MCF2L: variants seen among roughly 807,000 people sequenced by gnomAD.
The protein encoded by MCF2L is guanine nucleotide exchange factor DBS.
In MCF2L, 97 loss-of-function variants were observed where a neutral mutation model predicts 153.4. The ratio of observed to expected loss-of-function variants is 0.63; its 90% CI spans 0.54 to 0.75. MCF2L has a LOEUF of 0.75. Among genes scored for constraint, MCF2L ranks in the 30% least tolerant of loss-of-function variants. The probability of loss-of-function intolerance (pLI) is 0.00; values close to 1 mark genes in which losing one functional copy is unlikely to be tolerated. For missense variants in MCF2L, 1,347 were observed against 1,495.2 expected (o/e 0.90, Z 1.64); for synonymous variants, 659 against 632.2 (o/e 1.04, Z -0.64).
chr13:112,918,215 A>G (rs1024262448), intron 2 of MCF2L, among the ~76,000 whole-genome samples: 1 of 152,232 alleles, frequency 6.6e-6, no homozygotes, highest in Non-Finnish European at 1.5e-5. Context: ...TCCTGAGCGC[A>G]TGTTAGGGAT....
At chr13:113,034,394 C>T (rs1455492372) in intron 3 of MCF2L, among the ~76,000 whole-genome samples, 1 of 152,324 alleles carries the variant, frequency 6.6e-6, no homozygotes, top group East Asian at 1.9e-4. Context: ...GCCTCAGCTT[C>T]CCAAAGTGCT....
rs879300464 is a variant in MCF2L at position 113,060,457 on chromosome 13, G to A, written c.370-136G>A. The stretch of plus-strand genomic sequence containing the variant: ...CAGCATCTCTACCATGTTTATCTCA[G>A]CATAAACCTGCTGCGTTGAGGATGC... On this transcript the variant is annotated intron_variant, in intron 4 of 29. Transcript: ENST00000535094. The A allele has an allele frequency of 2.0e-4, 189 of 960,744 alleles. No homozygotes were observed. The Admixed American group carries it at 4.2e-3, about 21-fold the overall frequency. 59.5% of individuals were successfully genotyped at this position (960,744 alleles called of 1,614,324 possible). A position where few individuals can be genotyped will look rare whatever the true frequency, so the allele number is the denominator to read the frequency against.
intron 2 of MCF2L, among the ~76,000 whole-genome samples, chr13:113,018,469 G>A (rs185342972): frequency 1.4e-3 from 216 of 152,210 alleles, no homozygotes; most frequent in African/African-American, 4.7e-3. Context: ...TTGTCCTTCC[G>A]GGCAGAGCTG....
chr13:113,081,845 A>C (rs1406040402), intron 16 of MCF2L, among the ~76,000 whole-genome samples: 1 of 150,406 alleles, frequency 6.6e-6, no homozygotes, highest in Middle Eastern at 3.5e-3. Context: ...GTGGTCACCC[A>C]AGTGTAGACG....
intron 16 of MCF2L, 134 bp from the exon 17 acceptor site, chr13:113,082,293 G>A (rs556219213): frequency 8.4e-5 from 53 of 630,762 alleles, no homozygotes; most frequent in African/African-American, 6.9e-4. Flanking sequence ...TGCCTGTCCC[G>A]GTAACTTAGA....
At chr13:112,920,658 T>C (rs1215447992) in intron 2 of MCF2L, among the ~76,000 whole-genome samples, 1 of 58,144 alleles carries the variant, frequency 1.7e-5, no homozygotes, top group African/African-American at 6.8e-5. Context: ...AGGTTGTGGG[T>C]GGGTGCCAGG....
At chr13:112,985,492 G>A (rs779254344) in intron 1 of MCF2L, 11 of 470,546 alleles carry the variant, frequency 2.3e-5, no homozygotes, top group Admixed American at 1.2e-4. Context: ...GAGTCTCCTC[G>A]TCCCCTGTGA....
rs1426939083 is a variant in MCF2L at position 113,028,942 on chromosome 13, T to C, written c.278+4184T>C. On this transcript the variant is annotated intron_variant, in intron 3 of 29. Coordinates refer to ENST00000535094, the MANE Select transcript of MCF2L (RefSeq NM_001112732.3). The surrounding 1 kb of genome is among the most constrained non-coding windows in gnomAD (Gnocchi z 5.4). ...TGTGGGGTAAGTGGTGTGTGTGGTA[T>C]GTGTGGACTATGTGAGGCATGTGTG... 6.6e-6 allele frequency among the ~76,000 whole-genome samples: 1 copy of C among 150,852 alleles called. No homozygotes were observed. Among genetic ancestry groups the C allele is most frequent in the Non-Finnish European group, 1.5e-5 (1 of 67,726 alleles).
At chr13:113,023,514 G>A (rs114373251) in intron 2 of MCF2L, among the ~76,000 whole-genome samples, 3,200 of 152,238 alleles carry the variant, frequency 0.021, 122 homozygotes, top group African/African-American at 0.073. Context: ...GGGGACTGTC[G>A]CTGTTACGAG....
At chr13:112,947,419 T>C (rs2081648944) in intron 2 of MCF2L, among the ~76,000 whole-genome samples, 1 of 152,166 alleles carries the variant, frequency 6.6e-6, no homozygotes, top group Non-Finnish European at 1.5e-5. Context: ...TGACTGAGAC[T>C]CAAGGAACGA....
chr13:112,958,550 C>T (rs1178734033), intron 2 of MCF2L, among the ~76,000 whole-genome samples: 1 of 152,202 alleles, frequency 6.6e-6, no homozygotes, highest in Non-Finnish European at 1.5e-5. Context: ...GCAGGCTGAC[C>T]CCTGACCCAC....
intron 7 of MCF2L, chr13:113,065,339 G>T: frequency 1.9e-6 from 1 of 516,608 alleles, no homozygotes; most frequent in Non-Finnish European, 3.5e-6. Flanking sequence ...CCATTCTGGC[G>T]TTGGGTCAAC....
chr13:113,094,379 GA>G, intron 26 of MCF2L, 134 bp from the exon 27 acceptor site: 1 of 868,294 alleles, frequency 1.2e-6, no homozygotes, highest in Non-Finnish European at 1.7e-6. Context: ...ATGAACCCGG[GA>G]AGATGACAGG....
At position 113,074,733 on chromosome 13, in the gene MCF2L, C is replaced by T. The variant is rs2141917066; in HGVS notation, c.1116+170C>T. ...CTGCCTGTACCCCTCCCCTCCCACA[C>T]CCCACCCACAGCACATGGCCCTGCC... On this transcript the variant is annotated intron_variant, in intron 10 of 29. Coordinates refer to ENST00000535094, the MANE Select transcript of MCF2L (RefSeq NM_001112732.3). The surrounding 1 kb of genome is among the most constrained non-coding windows in gnomAD (Gnocchi z 4.2). Among the ~76,000 whole-genome samples, 1 of 152,062 alleles carries T rather than the reference C, an allele frequency of 6.6e-6. No homozygotes were observed. Among genetic ancestry groups the T allele is most frequent in the East Asian group, 2.0e-4 (1 of 5,100 alleles).
At chr13:113,014,876 G>A (rs201603405) in intron 2 of MCF2L, 30 bp downstream of exon 2, 3 of 1,606,012 alleles carry the variant, frequency 1.9e-6, no homozygotes, top group Non-Finnish European at 2.6e-6. Flanking sequence ...ATGGGGTGGA[G>A]AGGGAGGGGT....
intron 1 of MCF2L, among the ~76,000 whole-genome samples, chr13:112,982,467 C>T (rs941693199): frequency 2.0e-5 from 3 of 152,128 alleles, no homozygotes; most frequent in African/African-American, 4.8e-5. Flanking sequence ...GGCAGGTGGC[C>T]GGGGGCATCT....
At chr13:113,022,077 G>A (rs1170197108) in intron 2 of MCF2L, among the ~76,000 whole-genome samples, 3 of 152,086 alleles carry the variant, frequency 2.0e-5, no homozygotes, top group Non-Finnish European at 2.9e-5. Context: ...CTGCACCCTC[G>A]ACCCTGTGGC....
rs1488179371 is a variant in MCF2L at position 113,074,775 on chromosome 13, A to C, written c.1116+212A>C. ...GGCCCTGCCCGGCCTCCTCTGGGTCAGGTCCCTGCAGACGGTCAATGCCTT... is the reference window on the plus strand; with the variant it reads ...GGCCCTGCCCGGCCTCCTCTGGGTCCGGTCCCTGCAGACGGTCAATGCCTT... On this transcript the variant is annotated intron_variant, in intron 10 of 29. Coordinates refer to ENST00000535094, the MANE Select transcript of MCF2L (RefSeq NM_001112732.3). This position sits in a 1 kb window ranked among gnomAD's most constrained non-coding sequence, Gnocchi z 4.2. Among the ~76,000 whole-genome samples the C allele has an allele frequency of 6.6e-6, 1 of 151,556 alleles. No individual in the cohort carries two copies. The highest frequency in any genetic ancestry group is 1.5e-5 in the Non-Finnish European group (1 of 67,866).
intron 1 of MCF2L, among the ~76,000 whole-genome samples, chr13:112,986,632 G>A (rs374478416): frequency 4.9e-4 from 74 of 152,328 alleles, no homozygotes; most frequent in African/African-American, 1.7e-3. Context: ...CAAGAGCCAC[G>A]CAAACCTCTC....
Sources: allele counts gnomAD v4.1 joint callset (sites outside exome capture counted in the v4.1 genomes callset), GRCh38; gene constraint gnomAD v4.1.1; non-coding constraint Gnocchi (gnomAD v3.1); transcripts MANE v1.5; gene names NCBI Gene and HGNC (gene_info 2026-07-23, HGNC 2026-07-21).